The following ARHGEF18 variants were observed in gnomAD, a reference collection of about 807,000 sequenced individuals.
The protein encoded by ARHGEF18 is Rho/Rac guanine nucleotide exchange factor 18, also known as rho guanine nucleotide exchange factor 18.
In ARHGEF18, 93 loss-of-function variants were observed where a neutral mutation model predicts 155.7. The ratio of observed to expected loss-of-function variants is 0.60; its 90% confidence interval spans 0.50 to 0.71. The LOEUF (loss-of-function observed/expected upper bound fraction) is 0.71, where lower values mean the gene tolerates loss of function less well. ARHGEF18 is among the 30% of genes least tolerant of loss of function. ARHGEF18 has a pLI of 0.00. For synonymous variants in ARHGEF18, 742 were observed against 753.1 expected, an observed-to-expected ratio of 0.99 and a Z score of 0.24; for missense variants, 1,593 against 1,816.1, an observed-to-expected ratio of 0.88 and a Z score of 2.23.
rs555033764 is a variant in ARHGEF18, at chr19:7,398,328, C to T, written c.967+15125C>T. On this transcript the variant is annotated intron_variant, in intron 10 of 28. Transcript: ENST00000668164. ...TCAGGTAATATCCCCTCCTTGGCCT[C>T]CAAGAGAGCTGAGATTACATGCATG... is the stretch of plus-strand genomic sequence containing the variant. 5.9e-5 allele frequency among the ~76,000 whole-genome samples: 9 copies of T among 152,138 alleles called. 1 individual carries two copies. The South Asian group carries it at 1.9e-3, about 32-fold the overall frequency.
chr19:7,386,556 A>G (rs1258954924), intron 10 of ARHGEF18, among the ~76,000 whole-genome samples: 1 of 151,866 alleles, frequency 6.6e-6, no homozygotes, highest in African/African-American at 2.4e-5. Flanking sequence ...GATGTGGAGG[A>G]GGTGGGAAAA....
intron 10 of ARHGEF18, 167 bp downstream of exon 10, chr19:7,383,370 G>A: frequency 1.5e-6 from 1 of 658,234 alleles, no homozygotes; most frequent in Non-Finnish European, 2.2e-6. Context: ...CCTGGGCACA[G>A]GGACCCTTGG....
chr19:7,371,626 A>T (rs8101072), intron 2 of ARHGEF18, among the ~76,000 whole-genome samples: 1 of 151,676 alleles, frequency 6.6e-6, no homozygotes, highest in African/African-American at 2.4e-5. Context: ...TTCGAGACCA[A>T]CCCGGCCAAC....
downstream of ARHGEF18, among the ~76,000 whole-genome samples, chr19:7,474,662 G>C (rs1226578966): frequency 6.6e-6 from 1 of 151,954 alleles, no homozygotes; most frequent in African/African-American, 2.4e-5. Flanking sequence ...ACAGGCGTGA[G>C]CCACCGCGCC....
At chr19:7,361,363 C>T (rs1969540385) in intron 1 of ARHGEF18, among the ~76,000 whole-genome samples, 1 of 151,930 alleles carries the variant, frequency 6.6e-6, no homozygotes, top group African/African-American at 2.4e-5. Flanking sequence ...ACTCAAATCC[C>T]GGAGGTGGAG....
chr19:7,461,626 A>G (rs111281016), intron 20 of ARHGEF18, among the ~76,000 whole-genome samples: 65 of 152,296 alleles, frequency 4.3e-4, no homozygotes, highest in Admixed American at 1.0e-3. Context: ...GTCCCAGACT[A>G]ATAAATGGGC....
At chr19:7,476,951 T>G, downstream of ARHGEF18, 1 of 406,908 alleles carries the variant, frequency 2.5e-6, no homozygotes. Context: ...CTCATCTTGA[T>G]TTGGATACAA....
intron 17 of ARHGEF18, 113 bp from the exon 18 acceptor site, chr19:7,456,214 C>G: frequency 3.2e-6 from 3 of 929,278 alleles, no homozygotes; most frequent in Non-Finnish European, 5.3e-6. Context: ...TAGGCCCAGG[C>G]AGAAGCATCA....
intron 1 of ARHGEF18, among the ~76,000 whole-genome samples, chr19:7,354,046 C>T (rs995691062): frequency 1.3e-5 from 2 of 152,030 alleles, no homozygotes; most frequent in Admixed American, 6.6e-5. Context: ...TGCCATGGCT[C>T]ACGCCTGTAA....
chr19:7,380,676 G>A (rs10422357), intron 7 of ARHGEF18, among the ~76,000 whole-genome samples: 30 of 151,858 alleles, frequency 2.0e-4, no homozygotes, highest in Non-Finnish European at 2.9e-4. Context: ...AGAGGGAGAC[G>A]CCATCTCTAT....
chr19:7,463,203 A>G lies in ARHGEF18; in HGVS notation c.2636-615A>G, dbSNP rs1422022277. On this transcript the variant is annotated intron_variant, in intron 21 of 28. Transcript: ENST00000668164. The surrounding 1 kb of genome is among the most constrained non-coding windows in gnomAD (Gnocchi z 5.2). Reference sequence around the variant, plus strand: ...CCTTCCAGAGCCTTTCCGCAGAATAAGACGGCAGAGACGGGGGTCAGTCTT... The same window carrying G: ...CCTTCCAGAGCCTTTCCGCAGAATAGGACGGCAGAGACGGGGGTCAGTCTT... Among the ~76,000 whole-genome samples, 2 of 152,176 alleles carry G rather than the reference A, an allele frequency of 1.3e-5. No individual in the cohort carries two copies. Among genetic ancestry groups the G allele is most frequent in the Non-Finnish European group, 2.9e-5 (2 of 68,026 alleles).
At chr19:7,477,087 TG>T, downstream of ARHGEF18, 1 of 1,006,512 alleles carries the variant, frequency 9.9e-7, no homozygotes, top group Non-Finnish European at 1.4e-6. Flanking sequence ...ACCCTGCCCA[TG>T]GGTTTCACCA....
At chr19:7,436,360 T>C (rs1974254370) in intron 10 of ARHGEF18, among the ~76,000 whole-genome samples, 1 of 152,070 alleles carries the variant, frequency 6.6e-6, no homozygotes, top group South Asian at 2.1e-4. Flanking sequence ...TACCACAACC[T>C]CTGCCTCCCA....
intron 18 of ARHGEF18, among the ~76,000 whole-genome samples, chr19:7,456,822 C>G (rs1275295797): frequency 1.3e-5 from 2 of 152,204 alleles, no homozygotes; most frequent in Non-Finnish European, 2.9e-5. Context: ...TTGGCTGAAA[C>G]TGCCCATGGA....
chr19:7,385,856 T>TCTCTCTCTCTCC, intron 10 of ARHGEF18, among the ~76,000 whole-genome samples: 3 of 104,452 alleles, frequency 2.9e-5, no homozygotes, highest in Non-Finnish European at 5.5e-5. Flanking sequence ...TCTCTCTCTC[T>TCTCTCTCTCTCC]CTCTCTCTCT....
At chr19:7,378,340 C>T (rs1970560236) in intron 5 of ARHGEF18, 54 bp from the exon 6 acceptor site, 3 of 1,221,214 alleles carry the variant, frequency 2.5e-6, no homozygotes, top group South Asian at 8.3e-5. Flanking sequence ...CTGGGCTGGT[C>T]CTGTCCCAGA....
Position 7,471,936 on chromosome 19 carries a change from C to T in ARHGEF18, c.*1638C>T, listed in dbSNP as rs1977046821. ...TGGCCATCAGCGACGCTGTCCGCCC[C>T]CCGTCAGATCCCATGTGTGCCATGT... On this transcript the variant is annotated 3_prime_UTR_variant, in exon 29 of 29. Transcript: ENST00000668164. The surrounding 1 kb of genome is among the most constrained non-coding windows in gnomAD (Gnocchi z 4.4). 6.6e-6 allele frequency: 1 copy of T among 151,716 alleles called. No individual in the cohort carries two copies. Among genetic ancestry groups the T allele is most frequent in the Non-Finnish European group, 1.5e-5 (1 of 68,036 alleles). The allele number at this position is 151,716 out of a possible 1,614,324, so 9.4% of individuals were successfully genotyped here. A position where few individuals can be genotyped will look rare whatever the true frequency, so the allele number is the denominator to read the frequency against.
At chr19:7,461,564 GGAAA>G (rs1361547857) in intron 20 of ARHGEF18, among the ~76,000 whole-genome samples, 8 of 152,092 alleles carry the variant, frequency 5.3e-5, no homozygotes, top group Non-Finnish European at 7.4e-5. Flanking sequence ...GAAGAAGGAA[GGAAA>G]GAAAGAAAGG....
At chr19:7,479,696 G>A in the ARHGEF18 span, among the ~76,000 whole-genome samples, 5,933 of 152,264 alleles carry the variant, frequency 0.039, 335 homozygotes, top group African/African-American at 0.12. Context: ...AGCAGGCGGG[G>A]CACACAGGAC....
Sources: allele counts gnomAD v4.1 joint callset (sites outside exome capture counted in the v4.1 genomes callset), GRCh38; gene constraint gnomAD v4.1.1; non-coding constraint Gnocchi (gnomAD v3.1); transcripts MANE v1.5; gene names NCBI Gene and HGNC (gene_info 2026-07-23, HGNC 2026-07-21).